Variants in FRY observed in about 807,000 individuals in gnomAD.
The protein encoded by FRY is FRY microtubule binding protein.
In FRY, 128 loss-of-function variants were observed where a neutral mutation model predicts 348.4. The observed-to-expected ratio is 0.37, with a 90% confidence interval of 0.32 to 0.43. The LOEUF (loss-of-function observed/expected upper bound fraction) is 0.43. Ranked by LOEUF, FRY falls within the 20% of genes least tolerant of loss-of-function variation. FRY has a pLI of 1.00. For missense variants in FRY, 2,736 were observed against 3,695.2 expected (o/e 0.74, Z 6.73); for synonymous variants, 1,370 against 1,374.7 (o/e 1.00, Z 0.08).
chr13:32,227,972 G>A (rs994474816), intron 39 of FRY, among the ~76,000 whole-genome samples: 7 of 152,160 alleles, frequency 4.6e-5, no homozygotes, highest in South Asian at 2.1e-4. Context: ...GGATGGTCTC[G>A]ATCTCCTGAC....
At chr13:32,210,759 A>G (rs1884638030) in intron 33 of FRY, 107 bp from the exon 34 acceptor site, 2 of 872,938 alleles carry the variant, frequency 2.3e-6, no homozygotes, top group Non-Finnish European at 3.7e-6. Context: ...TATCACGGTG[A>G]CAGCTCCTGC....
chr13:32,094,928 G>A (rs1448768334), intron 2 of FRY, among the ~76,000 whole-genome samples: 1 of 152,178 alleles, frequency 6.6e-6, no homozygotes, highest in African/African-American at 2.4e-5. Flanking sequence ...CCTCCGAACT[G>A]TTCTCCATAG....
chr13:32,174,630 G>A (rs1249257916), intron 19 of FRY, among the ~76,000 whole-genome samples: 1 of 152,056 alleles, frequency 6.6e-6, no homozygotes, highest in Non-Finnish European at 1.5e-5. Context: ...TTCAACAACA[G>A]ATATATACAC....
intron 1 of FRY, among the ~76,000 whole-genome samples, chr13:32,067,002 G>A (rs1393740716): frequency 6.6e-6 from 1 of 152,140 alleles, no homozygotes; most frequent in Non-Finnish European, 1.5e-5. Flanking sequence ...TGCCATGCAC[G>A]GTGCTAAGTG....
intron 1 of FRY, among the ~76,000 whole-genome samples, chr13:32,035,769 C>T (rs1480564949): frequency 6.6e-6 from 1 of 152,198 alleles, no homozygotes; most frequent in African/African-American, 2.4e-5. Context: ...TTAACTCTTT[C>T]GCATATTTAG....
Position 32,155,556 on chromosome 13 carries a change from A to G in FRY, c.1545A>G (p.Glu515=). ...ATAGCTTGCAGCAGAAAGATGGGGA[A>G]CCTCCCATGCCGGTTACAGGAGCCG... The part of the protein sequence containing the change: ...IADSLQQKDG[E]PPMPVTGAVL... Residue 515 remains glutamate, a synonymous_variant, in exon 15 of 61, where the codon GAA becomes GAG. Transcript: ENST00000542859. 6.2e-7 allele frequency: 1 copy of G among 1,612,944 alleles called. No homozygotes were observed. The highest frequency in any genetic ancestry group is 8.5e-7 in the Non-Finnish European group (1 of 1,179,002).
intron 47 of FRY, among the ~76,000 whole-genome samples, chr13:32,245,239 G>A (rs1319579303): frequency 6.6e-6 from 1 of 151,468 alleles, no homozygotes; most frequent in African/African-American, 2.4e-5. Context: ...GAGCCACCAC[G>A]TCCAGCCCAG....
At chr13:32,135,697 T>C (rs1879672152) in intron 10 of FRY, among the ~76,000 whole-genome samples, 1 of 152,184 alleles carries the variant, frequency 6.6e-6, no homozygotes, top group Non-Finnish European at 1.5e-5. Context: ...AGAAAATCTT[T>C]TAGGTTACCA....
chr13:32,112,547 G>A (rs138964046), intron 3 of FRY, among the ~76,000 whole-genome samples: 4 of 152,146 alleles, frequency 2.6e-5, no homozygotes, highest in Admixed American at 1.3e-4. Flanking sequence ...CACATGTTGG[G>A]TTCTGAGAAC....
chr13:32,101,026 C>A (rs1877131444), intron 2 of FRY, among the ~76,000 whole-genome samples: 1 of 152,196 alleles, frequency 6.6e-6, no homozygotes, highest in Admixed American at 6.5e-5. Flanking sequence ...TTATTAACTG[C>A]AGTCACCATG....
intron 2 of FRY, among the ~76,000 whole-genome samples, chr13:32,082,307 T>G (rs1239399868): frequency 6.6e-6 from 1 of 152,130 alleles, no homozygotes; most frequent in Admixed American, 6.5e-5. Flanking sequence ...TCTCTTGTTC[T>G]GCAGAATGGC....
At chr13:32,216,828 C>G (rs1885018856) in intron 35 of FRY, among the ~76,000 whole-genome samples, 1 of 152,108 alleles carries the variant, frequency 6.6e-6, no homozygotes, top group South Asian at 2.1e-4. Flanking sequence ...CTTATAGATT[C>G]ACAAATGCCC....
chr13:32,099,328 A>G (rs1345146891), intron 2 of FRY, among the ~76,000 whole-genome samples: 2 of 151,906 alleles, frequency 1.3e-5, no homozygotes, highest in African/African-American at 4.8e-5. Context: ...AGATATATAT[A>G]TATACACACA....
At chr13:32,260,833 C>CA (rs891280920) in intron 51 of FRY, among the ~76,000 whole-genome samples, 6 of 151,774 alleles carry the variant, frequency 4.0e-5, no homozygotes, top group African/African-American at 1.5e-4. Context: ...AAGAAAAAAA[C>CA]AAAAAAACAG....
intron 13 of FRY, among the ~76,000 whole-genome samples, chr13:32,149,288 C>T (rs1179369403): frequency 2.0e-5 from 3 of 151,506 alleles, no homozygotes; most frequent in African/African-American, 7.3e-5. Context: ...ACATGTCTCA[C>T]ATGCAGAATT....
chr13:32,160,621 T>C (rs1196583017), intron 16 of FRY, among the ~76,000 whole-genome samples: 4 of 152,208 alleles, frequency 2.6e-5, no homozygotes, highest in African/African-American at 4.8e-5. Context: ...TGCACAACTA[T>C]ATACATTTCA....
At chr13:32,067,599 C>T (rs1874344173) in intron 1 of FRY, among the ~76,000 whole-genome samples, 1 of 152,224 alleles carries the variant, frequency 6.6e-6, no homozygotes, top group Non-Finnish European at 1.5e-5. Context: ...AGTGTTTGAA[C>T]TGCAGAGATT....
At chr13:32,261,915 G>A in intron 52 of FRY, 99 bp downstream of exon 52, 2 of 1,097,908 alleles carry the variant, frequency 1.8e-6, no homozygotes, top group Non-Finnish European at 1.4e-6. Flanking sequence ...ACTTTCCACA[G>A]CTGCTGAACT....
At chr13:32,128,415 G>A (rs1299527478) in intron 7 of FRY, among the ~76,000 whole-genome samples, 1 of 152,204 alleles carries the variant, frequency 6.6e-6, no homozygotes, top group East Asian at 1.9e-4. Context: ...TGTCCAGCAG[G>A]TGCTAACACA....
Sources: allele counts gnomAD v4.1 joint callset (sites outside exome capture counted in the v4.1 genomes callset), GRCh38; gene constraint gnomAD v4.1.1; transcripts MANE v1.5; gene names NCBI Gene and HGNC (gene_info 2026-07-23, HGNC 2026-07-21).